SLC37A2: variants seen among roughly 807,000 people sequenced by gnomAD.
SLC37A2 encodes the protein glucose-6-phosphate exchanger SLC37A2.
SLC37A2 carries 59 observed loss-of-function variants against 70.7 expected under a neutral mutation model. The ratio of observed to expected loss-of-function variants is 0.83; its 90% CI spans 0.68 to 1.04. SLC37A2 has a LOEUF of 1.04. Ranked by LOEUF, SLC37A2 falls within the 50% of genes least tolerant of loss-of-function variation. SLC37A2 has a pLI of 0.00. For synonymous variants in SLC37A2, 257 were observed against 262.1 expected (o/e 0.98, Z 0.19); for missense variants, 580 against 658.1 (o/e 0.88, Z 1.30).
At position 125,067,673 on chromosome 11, in the gene SLC37A2, T is replaced by A. The variant is rs191274112; in HGVS notation, c.59+4247T>A. 5.3e-3 allele frequency among the ~76,000 whole-genome samples: 807 copies of A among 152,336 alleles called. 7 individuals carry two copies. Among genetic ancestry groups the A allele is most frequent in the African/African-American group, 0.018 (752 of 41,572 alleles). ...TTTAAATTAAATATTCACAAACTTATCAAGATTTTGCCAACTTTGGCAAAA... is the reference window on the plus strand; with the variant it reads ...TTTAAATTAAATATTCACAAACTTAACAAGATTTTGCCAACTTTGGCAAAA... On this transcript the variant is annotated intron_variant, in intron 1 of 17. Transcript: ENST00000403796.
At chr11:125,085,884 C>A (rs542338602) in intron 16 of SLC37A2, 70 bp from the exon 17 acceptor site, 10 of 1,459,894 alleles carry the variant, frequency 6.8e-6, no homozygotes, top group Non-Finnish European at 9.6e-6. Flanking sequence ...CACGGGTCAC[C>A]CTGGTGCTGG....
In SLC37A2 at chr11:125,080,648, A is replaced by G; in HGVS notation, c.562A>G (p.Thr188Ala). The G allele has an allele frequency of 6.5e-7, 1 of 1,542,696 alleles. No homozygotes were observed. The highest frequency in any genetic ancestry group is 8.7e-7 in the Non-Finnish European group (1 of 1,142,880). ...GFIMGIWNSHTSVGNILGSLI... is the reference protein window; with the variant it reads ...GFIMGIWNSHASVGNILGSLI... ...CATCATGGGCATCTGGAATTCCCAC[A>G]CATCTGTGGGCAACATCCTGGGCTC... is the stretch of plus-strand genomic sequence containing the variant. Residue 188 changes from threonine to alanine, a missense_variant, in exon 7 of 18, where the codon ACA (threonine) becomes GCA (alanine). Coordinates refer to ENST00000403796, the MANE Select transcript of SLC37A2 (RefSeq NM_001145290.2). This position sits in a 1 kb window ranked among gnomAD's most constrained non-coding sequence, Gnocchi z 4.3.
At chr11:125,071,444 C>T (rs2135561754) in intron 1 of SLC37A2, among the ~76,000 whole-genome samples, 1 of 152,358 alleles carries the variant, frequency 6.6e-6, no homozygotes, top group East Asian at 1.9e-4. Context: ...CCTGACCATT[C>T]AGGGTCCCCC....
chr11:125,085,943 G>T lies in SLC37A2; in HGVS notation c.1426-11G>T. ...GTGCCCTCCCTTCCCTCTGTGCCTT[G>T]TGCTCCACAGCTCCTTTGCCGGTTA... On this transcript the variant is annotated splice_polypyrimidine_tract_variant and intron_variant, in intron 16 of 17. Transcript: ENST00000403796. The T allele has an allele frequency of 6.2e-7, 1 of 1,613,748 alleles. No individual in the cohort carries two copies. Among genetic ancestry groups the T allele is most frequent in the African/African-American group, 1.3e-5 (1 of 75,030 alleles).
At chr11:125,081,378 G>GA (rs766167310) in intron 7 of SLC37A2, 43 bp from the exon 8 acceptor site, 1 of 1,580,414 alleles carries the variant, frequency 6.3e-7, no homozygotes, top group Non-Finnish European at 8.6e-7. Flanking sequence ...GATTGGGGGG[G>GA]CGGGGGTTGG....
In SLC37A2 at chr11:125,088,526, T is replaced by C. The variant is rs1296395623; in HGVS notation, c.*392T>C. ...TTCCCATGTTAAGCTTTAACCTCTG[T>C]AATCTGCCTGTATCTATAGGTGGGC... On this transcript the variant is annotated 3_prime_UTR_variant, in exon 18 of 18. Transcript: ENST00000403796. 1 of 189,892 alleles carries C rather than the reference T, an allele frequency of 5.3e-6. No individual in the cohort carries two copies. The highest frequency in any genetic ancestry group is 5.8e-5 in the Admixed American group (1 of 17,318). 11.8% of individuals were successfully genotyped at this position (189,892 alleles called of 1,614,324 possible). A position where few individuals can be genotyped will look rare whatever the true frequency, so the allele number is the denominator to read the frequency against.
chr11:125,074,304 C>T (rs941225982), intron 1 of SLC37A2, among the ~76,000 whole-genome samples: 11 of 151,930 alleles, frequency 7.2e-5, no homozygotes, highest in African/African-American at 2.7e-4. Context: ...AAGAGAGAGA[C>T]ATCACACCAG....
chr11:125,088,052 C>A, intron 17 of SLC37A2, 67 bp from the exon 18 acceptor site: 4 of 1,527,232 alleles, frequency 2.6e-6, no homozygotes, highest in Non-Finnish European at 3.6e-6. Context: ...CTTTCCTCTC[C>A]CTACTCAGCA....
chr11:125,078,231 A>T (rs1949111618), intron 4 of SLC37A2, among the ~76,000 whole-genome samples: 1 of 152,216 alleles, frequency 6.6e-6, no homozygotes, highest in South Asian at 2.1e-4. Flanking sequence ...GGGCAGGTGT[A>T]TGGAGGGAAT....
At chr11:125,072,533 C>A (rs150731701) in intron 1 of SLC37A2, among the ~76,000 whole-genome samples, 1 of 152,230 alleles carries the variant, frequency 6.6e-6, no homozygotes, top group Non-Finnish European at 1.5e-5. Context: ...GCCATCCCCC[C>A]GTCACAGCCA....
chr11:125,071,193 C>T (rs953282659), intron 1 of SLC37A2, among the ~76,000 whole-genome samples: 1 of 152,104 alleles, frequency 6.6e-6, no homozygotes, highest in African/African-American at 2.4e-5. Flanking sequence ...AGGTCTTGTC[C>T]CCTGGACGCT....
intron 1 of SLC37A2, among the ~76,000 whole-genome samples, chr11:125,074,081 C>G (rs1350661656): frequency 2.0e-5 from 3 of 152,144 alleles, no homozygotes; most frequent in African/African-American, 7.2e-5. Flanking sequence ...CCTACAGATA[C>G]CCCCACTGAG....
Position 125,080,029 on chromosome 11 carries a change from T to G in SLC37A2, c.527+269T>G, listed in dbSNP as rs182494156. Among the ~76,000 whole-genome samples, 2 of 152,270 alleles carry G rather than the reference T, an allele frequency of 1.3e-5. No individual in the cohort carries two copies. Among genetic ancestry groups the G allele is most frequent in the African/African-American group, 4.8e-5 (2 of 41,542 alleles). On this transcript the variant is annotated intron_variant, in intron 6 of 17. Coordinates refer to ENST00000403796, the MANE Select transcript of SLC37A2 (RefSeq NM_001145290.2). This position sits in a 1 kb window ranked among gnomAD's most constrained non-coding sequence, Gnocchi z 4.3. Reference sequence around the variant, plus strand: ...AAGACAAAAAGAAGCCTATAAAACTTCCGCCCTGCCCCCCAACCCCGACCC... The same window carrying G: ...AAGACAAAAAGAAGCCTATAAAACTGCCGCCCTGCCCCCCAACCCCGACCC...
rs145517574 is a variant in SLC37A2, at chr11:125,064,131, G to A, written c.59+705G>A. ...TGGTCTGCACAGTTTTTAAAATATT[G>A]TGTTAGTTGCCATTATTTACAAATC... On this transcript the variant is annotated intron_variant, in intron 1 of 17. Coordinates refer to ENST00000403796, the MANE Select transcript of SLC37A2 (RefSeq NM_001145290.2). Among the ~76,000 whole-genome samples, 898 of 152,312 alleles carry A rather than the reference G, an allele frequency of 5.9e-3. 9 individuals are homozygous for A. Among genetic ancestry groups the A allele is most frequent in the Non-Finnish European group, 6.3e-3 (431 of 68,034 alleles).
intron 1 of SLC37A2, among the ~76,000 whole-genome samples, chr11:125,070,736 G>A (rs749052715): frequency 2.0e-5 from 3 of 152,128 alleles, no homozygotes; most frequent in East Asian, 1.9e-4. Context: ...TCCCTACTCC[G>A]GCCCCCCAGA....
At chr11:125,085,887 G>C in intron 16 of SLC37A2, 67 bp from the exon 17 acceptor site, 3 of 1,463,596 alleles carry the variant, frequency 2.0e-6, no homozygotes, top group Non-Finnish European at 2.9e-6. Flanking sequence ...GGGTCACCCT[G>C]GTGCTGGGCA....
At position 125,085,675 on chromosome 11, in the gene SLC37A2, G is replaced by C. The variant is rs1278346722; in HGVS notation, c.1425+1G>C. The C allele has an allele frequency of 2.5e-6, 4 of 1,612,264 alleles. No individual in the cohort carries two copies. Among genetic ancestry groups the C allele is most frequent in the East Asian group, 2.2e-5 (1 of 44,796 alleles). On this transcript the variant is annotated splice_donor_variant, in intron 16 of 17. Transcript: ENST00000403796. LOFTEE classifies it high-confidence loss of function. Reference sequence around the variant, plus strand: ...CTCTGCCGACGTCCTAGCCTGCTTGGTAAGAGTCTTGGGGTACACAGATAG... The same window carrying C: ...CTCTGCCGACGTCCTAGCCTGCTTGCTAAGAGTCTTGGGGTACACAGATAG...
chr11:125,073,132 G>T (rs977689835), intron 1 of SLC37A2, among the ~76,000 whole-genome samples: 1 of 152,150 alleles, frequency 6.6e-6, no homozygotes, highest in Admixed American at 6.5e-5. Context: ...AGGAGGGCAG[G>T]GCTGGAATCT....
At chr11:125,071,662 A>G (rs1949030212) in intron 1 of SLC37A2, among the ~76,000 whole-genome samples, 1 of 152,284 alleles carries the variant, frequency 6.6e-6, no homozygotes, top group Admixed American at 6.5e-5. Flanking sequence ...CAGCTGGAGG[A>G]AGGACAGCAA....
Sources: gnomAD v4.1 joint callset for allele counts (sites outside exome capture counted in the v4.1 genomes callset) on GRCh38, gnomAD v4.1.1 for gene constraint, Gnocchi (gnomAD v3.1) non-coding constraint, MANE v1.5 for transcripts, NCBI Gene and HGNC (gene_info 2026-07-23, HGNC 2026-07-21) for gene names.